The following SAMD12 variants were observed in gnomAD, a reference collection of about 807,000 sequenced individuals.
SAMD12 encodes sterile alpha motif domain containing 12, also known as sterile alpha motif domain-containing protein 12.
In SAMD12, 9 loss-of-function variants were observed where a neutral mutation model predicts 15.0. The ratio of observed to expected loss-of-function variants is 0.60; its 90% CI spans 0.36 to 1.05. The LOEUF (loss-of-function observed/expected upper bound fraction) is 1.05, where lower values mean the gene tolerates loss of function less well. Ranked by LOEUF, SAMD12 falls within the 50% of genes least tolerant of loss-of-function variation. The pLI is 0.01. For missense variants in SAMD12, 230 were observed against 234.2 expected, an observed-to-expected ratio of 0.98 and a Z score of 0.12; for synonymous variants, 86 against 90.1, an observed-to-expected ratio of 0.96 and a Z score of 0.25.
chr8:118,512,571 A>G (rs1329696739), intron 2 of SAMD12, among the ~76,000 whole-genome samples: 1 of 152,224 alleles, frequency 6.6e-6, no homozygotes, highest in Non-Finnish European at 1.5e-5. Context: ...CTGTTGTTAG[A>G]AATACTGAGT....
At chr8:118,252,936 T>C (rs770213009) in intron 4 of SAMD12, among the ~76,000 whole-genome samples, 2 of 152,184 alleles carry the variant, frequency 1.3e-5, no homozygotes, top group Non-Finnish European at 2.9e-5. Context: ...CTGCTGAGTA[T>C]GGCAGTGAGA....
chr8:118,458,469 T>C (rs1214589025), intron 2 of SAMD12, among the ~76,000 whole-genome samples: 4 of 152,166 alleles, frequency 2.6e-5, no homozygotes, highest in Non-Finnish European at 5.9e-5. Flanking sequence ...GAAAGCACAT[T>C]ACCTTAATAA....
the SAMD12 span, among the ~76,000 whole-genome samples, chr8:118,182,618 G>T: frequency 5.3e-5 from 8 of 152,060 alleles, no homozygotes; most frequent in African/African-American, 1.2e-4. Flanking sequence ...ATAAATAAAA[G>T]CTCTTGAATA....
chr8:118,602,563 A>G (rs1351200276), intron 1 of SAMD12, among the ~76,000 whole-genome samples: 1 of 152,258 alleles, frequency 6.6e-6, no homozygotes, highest in Non-Finnish European at 1.5e-5. Flanking sequence ...TCTGAAAATT[A>G]ATAAAATGGG....
intron 3 of SAMD12, among the ~76,000 whole-genome samples, chr8:118,397,955 A>G (rs13271922): frequency 2.0e-5 from 3 of 152,058 alleles, no homozygotes; most frequent in Admixed American, 2.0e-4. Flanking sequence ...CCATGCCTGG[A>G]TAATTTTTGT....
At chr8:118,145,547 G>A in the SAMD12 span, among the ~76,000 whole-genome samples, 1 of 152,136 alleles carries the variant, frequency 6.6e-6, no homozygotes, top group African/African-American at 2.4e-5. Flanking sequence ...ACTTTTAAAG[G>A]GCTCATTGTC....
At chr8:118,333,979 G>GTC (rs1229291080) in intron 4 of SAMD12, among the ~76,000 whole-genome samples, 6 of 150,936 alleles carry the variant, frequency 4.0e-5, no homozygotes, top group African/African-American at 1.2e-4. Flanking sequence ...GTGTGTCTGT[G>GTC]TGTGTGTGTG....
chr8:118,512,201 G>A (rs1056309316), intron 2 of SAMD12, among the ~76,000 whole-genome samples: 2 of 152,120 alleles, frequency 1.3e-5, no homozygotes, highest in South Asian at 2.1e-4. Context: ...AGACTTTGGC[G>A]GAACTTCCAG....
Position 118,429,675 on chromosome 8 carries a change from C to T in SAMD12, c.322+10157G>A, listed in dbSNP as rs570188244. Among the ~76,000 whole-genome samples, 8 of 152,264 alleles carry T rather than the reference C, an allele frequency of 5.3e-5. No individual in the cohort carries two copies. The South Asian group carries it at 1.5e-3, about 28-fold the overall frequency. ...TTGGGAAGCTGAGGTGGGTGGATCA[C>T]TTGAGGTCAGTAGTTTGAGACCAAT... On this transcript the variant is annotated intron_variant, in intron 3 of 3. Coordinates refer to ENST00000314727, the MANE Select transcript of SAMD12 (RefSeq NM_207506.3).
intron 2 of SAMD12, among the ~76,000 whole-genome samples, chr8:118,538,733 C>G (rs1176685880): frequency 6.6e-6 from 1 of 152,186 alleles, no homozygotes; most frequent in Non-Finnish European, 1.5e-5. Context: ...CATCAACTCA[C>G]TTTACTTTTG....
At chr8:118,298,261 C>T (rs1814828762) in intron 4 of SAMD12, among the ~76,000 whole-genome samples, 1 of 152,112 alleles carries the variant, frequency 6.6e-6, no homozygotes, top group African/African-American at 2.4e-5. Flanking sequence ...TTATAAACAA[C>T]TTTATGCATT....
At chr8:118,452,373 A>T (rs908776136) in intron 2 of SAMD12, among the ~76,000 whole-genome samples, 1 of 152,214 alleles carries the variant, frequency 6.6e-6, no homozygotes, top group Non-Finnish European at 1.5e-5. Flanking sequence ...CATAGTGAGA[A>T]GGGGATAAGC....
intron 3 of SAMD12, among the ~76,000 whole-genome samples, chr8:118,428,350 G>C (rs923067538): frequency 6.6e-6 from 1 of 151,760 alleles, no homozygotes; most frequent in East Asian, 1.9e-4. Flanking sequence ...GGGATCTTTT[G>C]TGCCAAGAGC....
intron 1 of SAMD12, among the ~76,000 whole-genome samples, chr8:118,590,274 T>C (rs1827553246): frequency 6.6e-6 from 1 of 152,202 alleles, no homozygotes. Flanking sequence ...AGGCTGATTG[T>C]AAAGCCTAGA....
chr8:118,139,715 C>G, the SAMD12 span, among the ~76,000 whole-genome samples: 1 of 152,162 alleles, frequency 6.6e-6, no homozygotes, highest in African/African-American at 2.4e-5. Flanking sequence ...GGATTTCATT[C>G]TATCTGGCTA....
intron 2 of SAMD12, among the ~76,000 whole-genome samples, chr8:118,517,154 G>A (rs561438145): frequency 2.0e-5 from 3 of 152,244 alleles, no homozygotes; most frequent in Non-Finnish European, 4.4e-5. Context: ...TAGCTCAAAG[G>A]GGGTATAAGA....
In SAMD12 at chr8:118,392,408, C is replaced by T. The variant is rs558641131; in HGVS notation, c.323-12708G>A. 1.8e-3 allele frequency among the ~76,000 whole-genome samples: 277 copies of T among 152,202 alleles called. 4 individuals are homozygous for T. Among genetic ancestry groups the T allele is most frequent in the African/African-American group, 6.5e-3 (270 of 41,526 alleles). ...ATCACACCACTGCACTCCAGCCTGG[C>T]GACAGAACGAGACTCCGTCTCAAGA... On this transcript the variant is annotated intron_variant, in intron 3 of 3. Coordinates refer to ENST00000314727, the MANE Select transcript of SAMD12 (RefSeq NM_207506.3).
intron 4 of SAMD12, among the ~76,000 whole-genome samples, chr8:118,294,073 A>C (rs1043716631): frequency 1.3e-5 from 2 of 152,252 alleles, no homozygotes; most frequent in Admixed American, 1.3e-4. Flanking sequence ...GTGTGATGGC[A>C]GCCTGCTGTC....
At chr8:118,458,950 A>ATGTGTGTGTG (rs56067272) in intron 2 of SAMD12, among the ~76,000 whole-genome samples, 2 of 149,378 alleles carry the variant, frequency 1.3e-5, no homozygotes, top group South Asian at 2.2e-4. Flanking sequence ...TCAGCTATAT[A>ATGTGTGTGTG]TGTGTGTGTG....
Sources: gnomAD v4.1 joint callset for allele counts (sites outside exome capture counted in the v4.1 genomes callset) on GRCh38, gnomAD v4.1.1 for gene constraint, MANE v1.5 for transcripts, NCBI Gene and HGNC (gene_info 2026-07-23, HGNC 2026-07-21) for gene names.